The following PHF24 variants were observed in gnomAD, a reference collection of about 807,000 sequenced individuals.
The protein encoded by PHF24 is Galpha inhibitory interacting protein.
Under a neutral mutation model 42.6 loss-of-function variants are expected in PHF24, and 25 were observed. The ratio of observed to expected loss-of-function variants is 0.59; its 90% CI spans 0.43 to 0.82. The LOEUF is 0.82. Ranked by LOEUF, PHF24 falls within the 40% of genes least tolerant of loss-of-function variation. PHF24 has a pLI of 0.00. For synonymous variants in PHF24, 185 were observed against 204.8 expected (o/e 0.90, Z 0.83); for missense variants, 470 against 538.1 (o/e 0.87, Z 1.25).
the PHF24 span, among the ~76,000 whole-genome samples, chr9:34,676,545 T>A: frequency 6.6e-6 from 1 of 152,188 alleles, no homozygotes; most frequent in South Asian, 2.1e-4. Flanking sequence ...TGTACAGATC[T>A]ACTTCTGGGT....
At chr9:34,924,023 G>A in the PHF24 span, among the ~76,000 whole-genome samples, 1 of 152,106 alleles carries the variant, frequency 6.6e-6, no homozygotes, top group East Asian at 1.9e-4. Context: ...TTTGTTTTAA[G>A]AAAATTTGCA....
the PHF24 span, among the ~76,000 whole-genome samples, chr9:34,860,377 A>C: frequency 1.3e-5 from 2 of 152,332 alleles, no homozygotes; most frequent in Admixed American, 1.3e-4. Flanking sequence ...GCATGATTTT[A>C]ATTAGGATTT....
chr9:34,869,074 G>A, the PHF24 span, among the ~76,000 whole-genome samples: 1 of 152,194 alleles, frequency 6.6e-6, no homozygotes, highest in East Asian at 1.9e-4. Flanking sequence ...TCCCTGCCAA[G>A]GACATAATCT....
chr9:34,856,744 C>T, the PHF24 span, among the ~76,000 whole-genome samples: 1 of 152,324 alleles, frequency 6.6e-6, no homozygotes, highest in East Asian at 1.9e-4. Context: ...GAGGTCTCAC[C>T]CAGTCAGGAG....
chr9:34,929,432 G>A, the PHF24 span, among the ~76,000 whole-genome samples: 39 of 152,256 alleles, frequency 2.6e-4, no homozygotes, highest in African/African-American at 8.9e-4. Flanking sequence ...ACTCCACAAG[G>A]GTGGGACTCC....
At chr9:34,832,293 A>G in the PHF24 span, 2 of 595,902 alleles carry the variant, frequency 3.4e-6, no homozygotes, top group Middle Eastern at 2.7e-4. Flanking sequence ...GAGGGTTAGG[A>G]GCTAGGGTGG....
chr9:34,874,907 G>A, the PHF24 span, among the ~76,000 whole-genome samples: 1 of 152,108 alleles, frequency 6.6e-6, no homozygotes, highest in Non-Finnish European at 1.5e-5. Flanking sequence ...GGCACGTCAT[G>A]GAGAATGGGG....
At chr9:34,979,722 T>G (rs1023688707) in exon 8 of PHF24, 2 of 152,182 alleles carry the variant, frequency 1.3e-5, no homozygotes, top group Non-Finnish European at 2.9e-5. Flanking sequence ...AGGGGCTTCT[T>G]GAGAGCCCTG....
At chr9:34,686,626 A>T in the PHF24 span, among the ~76,000 whole-genome samples, 1 of 152,330 alleles carries the variant, frequency 6.6e-6, no homozygotes, top group East Asian at 1.9e-4. Flanking sequence ...CTGAGAAGGG[A>T]TGTCAGATAC....
At chr9:34,910,095 C>G in the PHF24 span, among the ~76,000 whole-genome samples, 2 of 152,204 alleles carry the variant, frequency 1.3e-5, no homozygotes, top group Non-Finnish European at 2.9e-5. Flanking sequence ...GCTACTGTTT[C>G]AACCAGCCAT....
At chr9:34,884,764 G>T in the PHF24 span, among the ~76,000 whole-genome samples, 1 of 152,150 alleles carries the variant, frequency 6.6e-6, no homozygotes, top group African/African-American at 2.4e-5. Context: ...GTCCCTGGAG[G>T]GTGGCAAGAG....
chr9:34,948,158 G>A, the PHF24 span, among the ~76,000 whole-genome samples: 1 of 151,938 alleles, frequency 6.6e-6, no homozygotes, highest in South Asian at 2.1e-4. Context: ...ATAGAGTAAG[G>A]ATATAAGGAA....
chr9:34,786,800 T>G, the PHF24 span, among the ~76,000 whole-genome samples: 1 of 152,240 alleles, frequency 6.6e-6, no homozygotes, highest in Non-Finnish European at 1.5e-5. Context: ...GACTCATGCT[T>G]CAGGTCTCTT....
the PHF24 span, among the ~76,000 whole-genome samples, chr9:34,824,078 G>A: frequency 6.6e-6 from 1 of 152,168 alleles, no homozygotes; most frequent in African/African-American, 2.4e-5. Flanking sequence ...GTTTGCTCTC[G>A]CCTGGTAGAG....
At chr9:34,978,255 T>A in exon 8 of PHF24, 1 of 627,632 alleles carries the variant, frequency 1.6e-6, no homozygotes, top group Non-Finnish European at 2.8e-6. Context: ...TTTAAGGCAC[T>A]GAAATCACCA....
At chr9:34,709,963 C>T in the PHF24 span, 1 of 1,614,102 alleles carries the variant, frequency 6.2e-7, no homozygotes, top group Non-Finnish European at 8.5e-7. Context: ...CTCTTGATCC[C>T]CTTAGCCCCA....
the PHF24 span, chr9:34,917,503 A>G: frequency 2.6e-6 from 2 of 773,004 alleles, no homozygotes; most frequent in Non-Finnish European, 4.8e-6. Context: ...GAAAGCCTGC[A>G]GAGACCAATT....
the PHF24 span, among the ~76,000 whole-genome samples, chr9:34,749,949 GA>G: frequency 2.6e-5 from 4 of 151,886 alleles, no homozygotes; most frequent in African/African-American, 4.8e-5. Flanking sequence ...AGTGCTGAAG[GA>G]AAAAAACTTT....
chr9:34,713,716 G>A, the PHF24 span, among the ~76,000 whole-genome samples: 1 of 152,058 alleles, frequency 6.6e-6, no homozygotes, highest in Non-Finnish European at 1.5e-5. Flanking sequence ...TGATGTGTGA[G>A]GGTTATTGGG....
Sources: allele counts gnomAD v4.1 joint callset (sites outside exome capture counted in the v4.1 genomes callset), GRCh38; gene constraint gnomAD v4.1.1; transcripts MANE v1.5; gene names NCBI Gene and HGNC (gene_info 2026-07-23, HGNC 2026-07-21).